Variants in ITPKB observed in about 807,000 individuals in gnomAD.
The protein encoded by ITPKB is IP3 3-kinase B.
A neutral mutation model predicts 69.4 loss-of-function variants in ITPKB; 13 were observed. The ratio of observed to expected loss-of-function variants is 0.19; its 90% confidence interval spans 0.12 to 0.30. ITPKB has a LOEUF of 0.30. Ranked by LOEUF, ITPKB falls within the 10% of genes least tolerant of loss-of-function variation. The probability of loss-of-function intolerance (pLI) is 1.00; values close to 1 mark genes in which losing one functional copy is unlikely to be tolerated. For missense variants in ITPKB, 1,240 were observed against 1,250.5 expected, an observed-to-expected ratio of 0.99 and a Z score of 0.13; for synonymous variants, 584 against 513.7, an observed-to-expected ratio of 1.14 and a Z score of -1.85.
intron 2 of ITPKB, among the ~76,000 whole-genome samples, chr1:226,698,645 T>C (rs967573713): frequency 4.6e-5 from 7 of 152,220 alleles, no homozygotes; most frequent in African/African-American, 7.2e-5. Context: ...TAGGTAACTA[T>C]TGGCAGAGGT....
rs149450124 is a variant in ITPKB at position 226,728,069 on chromosome 1, A to T, written c.1932+7458T>A. ...GGTTACGTGAGATGTTTTTCTACTT[A>T]TTCAAAGATGGGGAAAAAAAACATC... On this transcript the variant is annotated intron_variant, in intron 2 of 7. Coordinates refer to ENST00000429204, the MANE Select transcript of ITPKB (RefSeq NM_002221.4). 2.4e-4 allele frequency among the ~76,000 whole-genome samples: 36 copies of T among 152,318 alleles called. No homozygotes were observed. The East Asian group carries it at 6.4e-3, about 27-fold the overall frequency.
intron 2 of ITPKB, among the ~76,000 whole-genome samples, chr1:226,667,026 C>G (rs1264929607): frequency 6.6e-6 from 1 of 152,214 alleles, no homozygotes; most frequent in Admixed American, 6.5e-5. Flanking sequence ...AAGACCCTTC[C>G]CCTAACCTAC....
At chr1:226,647,951 G>A (rs888885605) in intron 3 of ITPKB, among the ~76,000 whole-genome samples, 2 of 152,228 alleles carry the variant, frequency 1.3e-5, no homozygotes, top group Non-Finnish European at 2.9e-5. Context: ...AGCGAAATGC[G>A]GGACCTTGTG....
chr1:226,731,644 G>A (rs1421709709), intron 2 of ITPKB, among the ~76,000 whole-genome samples: 1 of 152,150 alleles, frequency 6.6e-6, no homozygotes, highest in Admixed American at 6.5e-5. Flanking sequence ...CAGAGCCCAT[G>A]AGTGTGTCCT....
In ITPKB at chr1:226,738,601, C is replaced by A. The variant is rs974317302; in HGVS notation, c.-206+440G>T. 6.6e-6 allele frequency among the ~76,000 whole-genome samples: 1 copy of A among 152,186 alleles called. No individual in the cohort carries two copies. Among genetic ancestry groups the A allele is most frequent in the Non-Finnish European group, 1.5e-5 (1 of 68,024 alleles). On this transcript the variant is annotated intron_variant, in intron 1 of 7. Transcript: ENST00000429204. This position sits in a 1 kb window ranked among gnomAD's most constrained non-coding sequence, Gnocchi z 4.2. ...GCGCCCACTCGGAGGAACTTAGGGG[C>A]GTGCATGGCTGCAGCCGGGCAGCAG...
At chr1:226,722,933 G>A (rs1203209740) in intron 2 of ITPKB, among the ~76,000 whole-genome samples, 1 of 152,184 alleles carries the variant, frequency 6.6e-6, no homozygotes, top group African/African-American at 2.4e-5. Context: ...CAGGCTACCT[G>A]CTCCCCCTGC....
At chr1:226,716,513 C>T (rs927947229) in intron 2 of ITPKB, among the ~76,000 whole-genome samples, 39 of 152,284 alleles carry the variant, frequency 2.6e-4, no homozygotes, top group Middle Eastern at 3.4e-3. Flanking sequence ...TATAACCCAT[C>T]ACCTAGGTAT....
chr1:226,734,284 G>C (rs1487884610), intron 2 of ITPKB, among the ~76,000 whole-genome samples: 1 of 152,346 alleles, frequency 6.6e-6, no homozygotes, highest in Middle Eastern at 3.4e-3. Context: ...GCAAAAAGCA[G>C]AGTTTCATGA....
intron 2 of ITPKB, among the ~76,000 whole-genome samples, chr1:226,689,098 C>T (rs914617323): frequency 6.6e-6 from 1 of 152,166 alleles, no homozygotes; most frequent in Non-Finnish European, 1.5e-5. Context: ...GATATGTTTT[C>T]GTGCCAAGAC....
chr1:226,710,789 C>G (rs961544237), intron 2 of ITPKB, among the ~76,000 whole-genome samples: 3 of 152,238 alleles, frequency 2.0e-5, no homozygotes, highest in Non-Finnish European at 4.4e-5. Flanking sequence ...CCAACTCTAT[C>G]CCTCCCTGAA....
intron 2 of ITPKB, among the ~76,000 whole-genome samples, chr1:226,695,711 G>A (rs988153141): frequency 1.3e-5 from 2 of 152,208 alleles, no homozygotes; most frequent in Admixed American, 6.5e-5. Flanking sequence ...TCTGGCAGCC[G>A]CAGCAAGAGT....
chr1:226,648,758 C>T lies in ITPKB; in HGVS notation c.1946G>A (p.Arg649Lys), dbSNP rs879094428. Residue 649 changes from arginine to lysine, a missense_variant, in exon 3 of 8, where the codon AGG becomes AAG. By Grantham distance (26) the Arg-to-Lys change is conservative. Around this residue, in one of 2 missense-constraint regions of ITPKB, gnomAD observed 248 missense variants for 396.7 expected, o/e 0.63. Transcript: ENST00000429204. ...QQKPRVSKSWRKIKNMVHWSP... is the reference protein window; with the variant it reads ...QQKPRVSKSWKKIKNMVHWSP... The stretch of plus-strand genomic sequence containing the variant: ...CCAGTGCACCATGTTTTTTATCTTC[C>T]TCCATGATTTGCTCTAGAAACAAAC... 6.2e-7 allele frequency: 1 copy of T among 1,606,352 alleles called. No homozygotes were observed. The highest frequency in any genetic ancestry group is 1.1e-5 in the South Asian group (1 of 90,894).
At chr1:226,655,109 A>C (rs964215234) in intron 2 of ITPKB, among the ~76,000 whole-genome samples, 1 of 151,652 alleles carries the variant, frequency 6.6e-6, no homozygotes, top group Non-Finnish European at 1.5e-5. Context: ...AGGAGGAAGA[A>C]GAGGGAGGAA....
chr1:226,677,050 AGAGCCC>A, intron 2 of ITPKB, among the ~76,000 whole-genome samples: 1 of 152,342 alleles, frequency 6.6e-6, no homozygotes, highest in Admixed American at 6.5e-5. Flanking sequence ...CCCTCCTCCC[AGAGCCC>A]AGGCTAGCTT....
intron 2 of ITPKB, among the ~76,000 whole-genome samples, chr1:226,672,134 C>A (rs1188637531): frequency 6.6e-6 from 1 of 152,140 alleles, no homozygotes; most frequent in Non-Finnish European, 1.5e-5. Flanking sequence ...TAAAACTCTC[C>A]ATTTTAGACT....
Position 226,641,107 on chromosome 1 carries a change from G to C in ITPKB, c.2451+814C>G, listed in dbSNP as rs917533820. Among the ~76,000 whole-genome samples, 6 of 152,226 alleles carry C rather than the reference G, an allele frequency of 3.9e-5. No individual in the cohort carries two copies. Among genetic ancestry groups the C allele is most frequent in the African/African-American group, 1.4e-4 (6 of 41,462 alleles). On this transcript the variant is annotated intron_variant, in intron 5 of 7. Coordinates refer to ENST00000429204, the MANE Select transcript of ITPKB (RefSeq NM_002221.4). The surrounding 1 kb of genome is among the most constrained non-coding windows in gnomAD (Gnocchi z 4.6). ...GCCGGCGCCCCAAAGCCCGGCTCTT[G>C]CAAATTTAACAGCAAGGGTGCACAC...
intron 2 of ITPKB, among the ~76,000 whole-genome samples, chr1:226,718,232 T>G (rs1246721083): frequency 2.7e-5 from 4 of 148,778 alleles, no homozygotes; most frequent in African/African-American, 1.0e-4. Flanking sequence ...AGGCGGAGCT[T>G]GCAGTGAGCC....
At chr1:226,657,699 A>G (rs1669322652) in intron 2 of ITPKB, among the ~76,000 whole-genome samples, 1 of 152,216 alleles carries the variant, frequency 6.6e-6, no homozygotes. Flanking sequence ...TGTTGTCTCC[A>G]TTTTGCAAAT....
chr1:226,705,943 T>A (rs529741926), intron 2 of ITPKB, among the ~76,000 whole-genome samples: 1 of 152,302 alleles, frequency 6.6e-6, no homozygotes, highest in Admixed American at 6.5e-5. Context: ...CCCTCACATC[T>A]TCCAACTCCC....
Sources: gnomAD v4.1 joint callset for allele counts (sites outside exome capture counted in the v4.1 genomes callset) on GRCh38, gnomAD v4.1.1 for gene constraint, gnomAD v4.1.1 regional missense constraint, Gnocchi (gnomAD v3.1) non-coding constraint, MANE v1.5 for transcripts, NCBI Gene and HGNC (gene_info 2026-07-23, HGNC 2026-07-21) for gene names.